Variants in MLIP observed in about 807,000 individuals in gnomAD.
MLIP encodes muscular LMNA-interacting protein.
Under a neutral mutation model 84.8 loss-of-function variants are expected in MLIP, and 79 were observed. The observed-to-expected ratio is 0.93, with a 90% confidence interval of 0.78 to 1.12. MLIP has a LOEUF of 1.12. MLIP is among the 50% of genes most tolerant of loss of function. The pLI, the probability that MLIP is intolerant of heterozygous loss-of-function variation, is 0.00. For missense variants in MLIP, 1,257 were observed against 1,160.6 expected (o/e 1.08, Z -1.21); for synonymous variants, 504 against 463.0 (o/e 1.09, Z -1.14).
chr6:54,253,327 T>C (rs1331800910), intron 12 of MLIP, among the ~76,000 whole-genome samples: 3 of 151,988 alleles, frequency 2.0e-5, no homozygotes, highest in African/African-American at 4.8e-5. Context: ...TGAAGACAAA[T>C]GGTGTGAAGG....
At chr6:54,163,485 G>C (rs1774867963) in intron 8 of MLIP, among the ~76,000 whole-genome samples, 1 of 151,508 alleles carries the variant, frequency 6.6e-6, no homozygotes, top group Admixed American at 6.6e-5. Flanking sequence ...TTACTAGTTT[G>C]AACATTTTGA....
intron 4 of MLIP, among the ~76,000 whole-genome samples, chr6:54,143,981 G>A (rs566551564): frequency 6.6e-6 from 1 of 152,090 alleles, no homozygotes; most frequent in African/African-American, 2.4e-5. Context: ...GATAAATGAG[G>A]GATGCAGTGG....
At chr6:54,130,113 A>G (rs1771260070) in intron 3 of MLIP, among the ~76,000 whole-genome samples, 1 of 152,090 alleles carries the variant, frequency 6.6e-6, no homozygotes, top group Admixed American at 6.6e-5. Flanking sequence ...GAGAATTTTT[A>G]TGAATCAGTG....
At chr6:54,188,152 C>G (rs781102191) in intron 9 of MLIP, among the ~76,000 whole-genome samples, 1 of 152,042 alleles carries the variant, frequency 6.6e-6, no homozygotes, top group Non-Finnish European at 1.5e-5. Flanking sequence ...ATGAATGGAG[C>G]CTGCAGGACT....
rs1175854849 is a variant in MLIP, at chr6:54,111,535, C to G, written c.56C>G (p.Thr19Ser). ...TGCGGGAACAATTACTTCCAAATGA[C>G]CTCGTGCATCTTATCAGGGAGCATT... ...SDCGNNYFQM[T>S]SCILSGSIQT... The change falls in exon 1 of 14, where the codon ACC (threonine) becomes AGC (serine). Residue 19 changes from threonine (T) to serine (S), a missense_variant. Physicochemically the swap from Thr to Ser is moderately conservative, Grantham distance 58. Coordinates refer to ENST00000502396, the MANE Select transcript of MLIP (RefSeq NM_001281747.2). The G allele has an allele frequency of 2.1e-5, 33 of 1,535,888 alleles. No homozygotes were observed. Among genetic ancestry groups the G allele is most frequent in the Non-Finnish European group, 2.6e-5 (30 of 1,146,874 alleles).
intron 12 of MLIP, among the ~76,000 whole-genome samples, chr6:54,233,913 A>G (rs560499534): frequency 5.9e-5 from 9 of 152,150 alleles, no homozygotes; most frequent in Admixed American, 5.2e-4. Flanking sequence ...ATCGTATCTC[A>G]TTGTGATTTT....
intron 13 of MLIP, chr6:54,261,658 C>T: frequency 2.0e-6 from 2 of 984,946 alleles, no homozygotes; most frequent in South Asian, 4.7e-5. Flanking sequence ...GTCTAAGGTT[C>T]TAAGAGTATA....
At chr6:54,026,895 C>T (rs1224101352) in intron 1 of MLIP, among the ~76,000 whole-genome samples, 1 of 152,044 alleles carries the variant, frequency 6.6e-6, no homozygotes, top group Non-Finnish European at 1.5e-5. Flanking sequence ...ATCACTTAAC[C>T]TTTGGCTTCT....
upstream of MLIP, among the ~76,000 whole-genome samples, chr6:54,106,899 A>C (rs1382256354): frequency 6.6e-6 from 1 of 152,170 alleles, no homozygotes; most frequent in Non-Finnish European, 1.5e-5. Flanking sequence ...GGATGTGATC[A>C]CCAAGGAATG....
chr6:54,174,527 GT>G (rs1350842332), intron 9 of MLIP, among the ~76,000 whole-genome samples: 1 of 151,886 alleles, frequency 6.6e-6, no homozygotes, highest in African/African-American at 2.4e-5. Flanking sequence ...TCATATGCTT[GT>G]TTGCCATTTG....
intron 1 of MLIP, among the ~76,000 whole-genome samples, chr6:54,090,151 T>C (rs1433765310): frequency 6.6e-6 from 1 of 152,128 alleles, no homozygotes; most frequent in East Asian, 1.9e-4. Context: ...TAAGCAGCAG[T>C]TCGTAAACTG....
intron 1 of MLIP, among the ~76,000 whole-genome samples, chr6:54,086,963 C>T (rs963650722): frequency 7.2e-5 from 11 of 152,144 alleles, no homozygotes; most frequent in Non-Finnish European, 1.5e-5. Context: ...TCAGCACGAC[C>T]ACAATATTCT....
At chr6:54,061,918 A>G (rs9296737) in intron 1 of MLIP, among the ~76,000 whole-genome samples, 10,745 of 152,228 alleles carry the variant, frequency 0.071, 620 homozygotes, top group East Asian at 0.33. Flanking sequence ...CAATCCCATT[A>G]CTTTCTCAAG....
Position 54,257,353 on chromosome 6 carries a change from T to A in MLIP, c.2968T>A (p.Ser990Thr). 1 of 1,610,890 alleles carries A rather than the reference T, an allele frequency of 6.2e-7. No homozygotes were observed. Among genetic ancestry groups the A allele is most frequent in the Non-Finnish European group, 8.5e-7 (1 of 1,177,464 alleles). The change falls in exon 13 of 14, where the codon TCC becomes ACC. Residue 990 changes from serine (S) to threonine (T), a missense_variant. Transcript: ENST00000502396. ...VAIPEHEALD[S>T]KEQ ...TATTCCTGAACATGAAGCTCTTGAT[T>A]CCAAAGAGGTAAATGTAAGATAGGA...
intron 1 of MLIP, among the ~76,000 whole-genome samples, chr6:54,084,824 A>C (rs777375647): frequency 3.3e-5 from 5 of 152,170 alleles, no homozygotes; most frequent in Non-Finnish European, 7.3e-5. Flanking sequence ...GGTGGATAAA[A>C]GCTTCAAAAA....
At chr6:54,219,462 C>T (rs1209505950) in intron 11 of MLIP, among the ~76,000 whole-genome samples, 15 of 142,628 alleles carry the variant, frequency 1.1e-4, no homozygotes, top group African/African-American at 3.1e-4. Flanking sequence ...AGGAATTTTT[C>T]GGCTCCATGT....
intron 5 of MLIP, among the ~76,000 whole-genome samples, chr6:54,159,213 A>G (rs145265417): frequency 3.5e-4 from 53 of 152,204 alleles, no homozygotes; most frequent in African/African-American, 1.2e-3. Context: ...GTGAATGGCC[A>G]TAAGATTTTC....
chr6:54,089,500 A>G (rs368735039), intron 1 of MLIP, among the ~76,000 whole-genome samples: 1 of 152,114 alleles, frequency 6.6e-6, no homozygotes, highest in Non-Finnish European at 1.5e-5. Context: ...AGGTTAGCTG[A>G]AAGACTTGGG....
At position 54,165,513 on chromosome 6, in the gene MLIP, A is replaced by G. The variant is rs1329750712; in HGVS notation, c.2500-4015A>G. 5.3e-5 allele frequency among the ~76,000 whole-genome samples: 8 copies of G among 152,060 alleles called. No homozygotes were observed. The East Asian group carries it at 9.7e-4, about 18-fold the overall frequency. ...CTCAGTTCACCCCATTGATCTCCTT[A>G]TCTCTGTTGTTTAAATGTGTTGTGG... On this transcript the variant is annotated intron_variant, in intron 8 of 13. Transcript: ENST00000502396.
Sources: gnomAD v4.1 joint callset for allele counts (sites outside exome capture counted in the v4.1 genomes callset) on GRCh38, gnomAD v4.1.1 for gene constraint, MANE v1.5 for transcripts, NCBI Gene and HGNC (gene_info 2026-07-23, HGNC 2026-07-21) for gene names.